Variants in KCNB2 observed in about 807,000 individuals in gnomAD.
KCNB2 encodes potassium voltage-gated channel subfamily B member 2, also known as delayed rectifier potassium channel protein.
KCNB2 carries 15 observed loss-of-function variants against 61.5 expected under a neutral mutation model. The observed-to-expected ratio is 0.24, with a 90% CI of 0.16 to 0.38. KCNB2 has a LOEUF of 0.38. Ranked by LOEUF, KCNB2 falls within the 10% of genes least tolerant of loss-of-function variation. The probability of loss-of-function intolerance (pLI) is 1.00; values close to 1 mark genes in which losing one functional copy is unlikely to be tolerated. For missense variants in KCNB2, 828 were observed against 1,125.2 expected (o/e 0.74, Z 3.78); for synonymous variants, 457 against 446.0 (o/e 1.02, Z -0.31).
chr8:72,575,169 G>T (rs1260964954), intron 2 of KCNB2, among the ~76,000 whole-genome samples: 2 of 152,104 alleles, frequency 1.3e-5, no homozygotes, highest in Non-Finnish European at 2.9e-5. Context: ...ACATGAAATT[G>T]CTTTGATTCC....
chr8:72,614,446 A>G (rs1805587426), intron 2 of KCNB2, among the ~76,000 whole-genome samples: 1 of 152,144 alleles, frequency 6.6e-6, no homozygotes, highest in African/African-American at 2.4e-5. Flanking sequence ...TTAAATTGGA[A>G]ACTCAATTTC....
rs59704394 is a variant in KCNB2, at chr8:72,745,268, G to A, written c.579+176955G>A. ...GTTAATTAGGAGAGAAGGAATGTAA[G>A]AGAAAATGAACATGCATATTTTTAT... On this transcript the variant is annotated intron_variant, in intron 2 of 2. Transcript: ENST00000523207. Among the ~76,000 whole-genome samples, 350 of 152,288 alleles carry A rather than the reference G, an allele frequency of 2.3e-3. 1 individual carries two copies. The highest frequency in any genetic ancestry group is 8.0e-3 in the African/African-American group (334 of 41,566).
intron 2 of KCNB2, among the ~76,000 whole-genome samples, chr8:72,790,897 C>A (rs1043093068): frequency 2.6e-5 from 4 of 152,208 alleles, no homozygotes; most frequent in Non-Finnish European, 5.9e-5. Flanking sequence ...TACTCTTTCT[C>A]TGTTGGTTTT....
intron 2 of KCNB2, among the ~76,000 whole-genome samples, chr8:72,664,561 C>CT (rs1233800810): frequency 6.6e-6 from 1 of 152,200 alleles, no homozygotes; most frequent in Admixed American, 6.5e-5. Context: ...TCTGTAGAAT[C>CT]TGTTATTTCA....
At chr8:72,588,301 C>T (rs116247693) in intron 2 of KCNB2, among the ~76,000 whole-genome samples, 136 of 151,458 alleles carry the variant, frequency 9.0e-4, no homozygotes, top group African/African-American at 3.0e-3. Flanking sequence ...TCACCGCATC[C>T]TCCCCATCCC....
At chr8:72,552,915 C>G (rs1263540267) in intron 1 of KCNB2, among the ~76,000 whole-genome samples, 1 of 151,934 alleles carries the variant, frequency 6.6e-6, no homozygotes, top group African/African-American at 2.4e-5. Flanking sequence ...TCTCTCCTTC[C>G]TCTCTTACTG....
Position 72,598,218 on chromosome 8 carries a change from C to T in KCNB2, c.579+29905C>T, listed in dbSNP as rs568602830. Among the ~76,000 whole-genome samples, 25 of 152,166 alleles carry T rather than the reference C, an allele frequency of 1.6e-4. 1 individual carries two copies. In the South Asian group the frequency reaches 3.7e-3, roughly 23 times the overall value. ...AATCCTCAATAAAATACTGGCAAAC[C>T]GAATCCAGCAGCACATCAAAAAGCT... On this transcript the variant is annotated intron_variant, in intron 2 of 2. Transcript: ENST00000523207.
intron 2 of KCNB2, among the ~76,000 whole-genome samples, chr8:72,619,874 T>C (rs1256244128): frequency 5.9e-5 from 9 of 152,226 alleles, no homozygotes; most frequent in African/African-American, 2.2e-4. Context: ...TCATTGGAGA[T>C]GTTGATACCT....
intron 2 of KCNB2, among the ~76,000 whole-genome samples, chr8:72,931,079 G>C (rs994042546): frequency 6.6e-6 from 1 of 152,130 alleles, no homozygotes; most frequent in Non-Finnish European, 1.5e-5. Context: ...TCTTGTTTTT[G>C]TCAGGTTTGT....
chr8:72,864,413 G>A (rs949294410), intron 2 of KCNB2, among the ~76,000 whole-genome samples: 2 of 152,138 alleles, frequency 1.3e-5, no homozygotes, highest in Non-Finnish European at 2.9e-5. Context: ...TTATTCTAAA[G>A]CTATTCTCTT....
chr8:72,798,343 G>A (rs1809066189), intron 2 of KCNB2, among the ~76,000 whole-genome samples: 1 of 152,158 alleles, frequency 6.6e-6, no homozygotes, highest in African/African-American at 2.4e-5. Context: ...ACACAAGCAT[G>A]AATGCCCTGA....
At chr8:72,869,797 C>A (rs752350691) in intron 2 of KCNB2, among the ~76,000 whole-genome samples, 1 of 152,156 alleles carries the variant, frequency 6.6e-6, no homozygotes, top group Non-Finnish European at 1.5e-5. Context: ...CCTCAAAAAA[C>A]TGAAAGTAGA....
At chr8:72,577,722 C>T (rs111576819) in intron 2 of KCNB2, among the ~76,000 whole-genome samples, 49 of 152,276 alleles carry the variant, frequency 3.2e-4, no homozygotes, top group African/African-American at 1.1e-3. Context: ...TTCAAGCCTA[C>T]GCCACAGCAG....
At chr8:72,811,865 T>C (rs1027125381) in intron 2 of KCNB2, among the ~76,000 whole-genome samples, 2 of 152,214 alleles carry the variant, frequency 1.3e-5, no homozygotes, top group Non-Finnish European at 2.9e-5. Flanking sequence ...AAGAGAAACA[T>C]GTGCATGCGC....
intron 1 of KCNB2, among the ~76,000 whole-genome samples, chr8:72,547,325 A>C (rs969893410): frequency 1.3e-5 from 2 of 152,224 alleles, no homozygotes; most frequent in African/African-American, 2.4e-5. Flanking sequence ...ATCAAGGAAT[A>C]ATTTTGACTT....
intron 1 of KCNB2, among the ~76,000 whole-genome samples, chr8:72,561,764 TA>T (rs1806532777): frequency 3.9e-5 from 1 of 25,516 alleles, no homozygotes. Flanking sequence ...TATATATGGA[TA>T]TATATATATA....
chr8:72,613,090 A>G (rs1805565100), intron 2 of KCNB2, among the ~76,000 whole-genome samples: 1 of 152,176 alleles, frequency 6.6e-6, no homozygotes, highest in Admixed American at 6.5e-5. Context: ...GAACTGCCCC[A>G]TGGTTACATA....
intron 2 of KCNB2, among the ~76,000 whole-genome samples, chr8:72,825,408 A>G (rs1455016531): frequency 2.6e-5 from 4 of 152,188 alleles, no homozygotes. Flanking sequence ...TTGGGTATTT[A>G]TCCAGAAGGG....
intron 2 of KCNB2, among the ~76,000 whole-genome samples, chr8:72,725,517 A>ATATATATATATATATATATATGTG (rs1807618803): frequency 2.0e-5 from 1 of 49,374 alleles, no homozygotes; most frequent in Admixed American, 1.9e-4. Context: ...CTTCATATAT[A>ATATATATATATATATATATATGTG]TATATATATA....
Sources: allele counts gnomAD v4.1 joint callset (sites outside exome capture counted in the v4.1 genomes callset), GRCh38; gene constraint gnomAD v4.1.1; transcripts MANE v1.5; gene names NCBI Gene and HGNC (gene_info 2026-07-23, HGNC 2026-07-21).